The following MFSD6 variants were observed in gnomAD, a reference collection of about 807,000 sequenced individuals.
MFSD6 encodes the protein major facilitator superfamily domain containing 6.
Under a neutral mutation model 56.3 loss-of-function variants are expected in MFSD6, and 26 were observed. That is an observed-to-expected ratio of 0.46 (90% CI 0.34 to 0.64). The LOEUF is 0.64. Ranked by LOEUF, MFSD6 falls within the 30% of genes least tolerant of loss-of-function variation. MFSD6 has a pLI of 0.01. For synonymous variants in MFSD6, 331 were observed against 366.9 expected, an observed-to-expected ratio of 0.90 and a Z score of 1.12; for missense variants, 750 against 986.2, an observed-to-expected ratio of 0.76 and a Z score of 3.21.
At position 190,459,735 on chromosome 2, in the gene MFSD6, T is replaced by C. The variant is rs1687225456; in HGVS notation, c.1533-10023T>C. On this transcript the variant is annotated intron_variant, in intron 3 of 7. Coordinates refer to ENST00000392328, the MANE Select transcript of MFSD6 (RefSeq NM_017694.4). This position sits in a 1 kb window ranked among gnomAD's most constrained non-coding sequence, Gnocchi z 5.3. The stretch of plus-strand genomic sequence containing the variant: ...GCTGATGGTGACCATAGTTACACTC[T>C]TAGCTTATCAGTCATTTTAGAGGGA... Among the ~76,000 whole-genome samples, 1 of 152,216 alleles carries C rather than the reference T, an allele frequency of 6.6e-6. No homozygotes were observed. The highest frequency in any genetic ancestry group is 1.5e-5 in the Non-Finnish European group (1 of 68,042).
At position 190,413,706 on chromosome 2, in the gene MFSD6, T is replaced by C. The variant is rs1164956577; in HGVS notation, c.-175-1586T>C. ...AAAGTGAGTGGCGAGCCTGGACTGG[T>C]AGTTAGCAGTCTGTGTTGGTTATGT... On this transcript the variant is annotated intron_variant, in intron 1 of 7. Coordinates refer to ENST00000392328, the MANE Select transcript of MFSD6 (RefSeq NM_017694.4). This position sits in a 1 kb window ranked among gnomAD's most constrained non-coding sequence, Gnocchi z 4.1. Among the ~76,000 whole-genome samples, 4 of 152,182 alleles carry C rather than the reference T, an allele frequency of 2.6e-5. No individual in the cohort carries two copies. The highest frequency in any genetic ancestry group is 9.7e-5 in the African/African-American group (4 of 41,450).
intron 4 of MFSD6, among the ~76,000 whole-genome samples, chr2:190,475,730 C>A (rs879917889): frequency 3.9e-5 from 6 of 152,168 alleles, no homozygotes; most frequent in Non-Finnish European, 8.8e-5. Flanking sequence ...TCATACGGAA[C>A]CAAAAAAGAG....
At position 190,462,544 on chromosome 2, in the gene MFSD6, A is replaced by T. The variant is rs1472811322; in HGVS notation, c.1533-7214A>T. 6.6e-6 allele frequency among the ~76,000 whole-genome samples: 1 copy of T among 152,168 alleles called. No individual in the cohort carries two copies. The highest frequency in any genetic ancestry group is 2.4e-5 in the African/African-American group (1 of 41,444). On this transcript the variant is annotated intron_variant, in intron 3 of 7. Transcript: ENST00000392328. This position sits in a 1 kb window ranked among gnomAD's most constrained non-coding sequence, Gnocchi z 5.7. The stretch of plus-strand genomic sequence containing the variant: ...GCAAGGCAGGCTCTTTTTGAGTACA[A>T]AGAGGAAGAAGACATGGCCGTTGTC...
chr2:190,411,087 G>T, intron 1 of MFSD6: 2 of 980,690 alleles, frequency 2.0e-6, no homozygotes, highest in Non-Finnish European at 2.4e-6. Context: ...AGCTTCAGAA[G>T]AAATTTATAT....
chr2:190,482,953 G>T (rs537206869), intron 4 of MFSD6, among the ~76,000 whole-genome samples: 1 of 129,590 alleles, frequency 7.7e-6, no homozygotes, highest in Admixed American at 9.4e-5. Flanking sequence ...CTGCAGTGGC[G>T]CAATCTCGGC....
chr2:190,432,498 C>A (rs576608237), intron 2 of MFSD6, among the ~76,000 whole-genome samples: 15 of 152,176 alleles, frequency 9.9e-5, no homozygotes, highest in Non-Finnish European at 1.6e-4. Flanking sequence ...CTCTCTGCAA[C>A]CTCCGGCTCC....
At chr2:190,422,957 A>G (rs59109438) in intron 2 of MFSD6, among the ~76,000 whole-genome samples, 28,010 of 151,938 alleles carry the variant, frequency 0.18, 2,685 homozygotes, top group East Asian at 0.29. Flanking sequence ...TACAAAGTCA[A>G]CACTTCATGA....
Position 190,488,943 on chromosome 2 carries a change from T to A in MFSD6, c.1792+125T>A. Reference sequence around the variant, plus strand: ...CAAAGCTAAATTCCAGTATTCATAATCTCTTTCTAGATTTCATGGTAGTCA... The same window carrying A: ...CAAAGCTAAATTCCAGTATTCATAAACTCTTTCTAGATTTCATGGTAGTCA... On this transcript the variant is annotated intron_variant, in intron 5 of 7. Coordinates refer to ENST00000392328, the MANE Select transcript of MFSD6 (RefSeq NM_017694.4). This position sits in a 1 kb window ranked among gnomAD's most constrained non-coding sequence, Gnocchi z 6.4. The A allele has an allele frequency of 1.0e-6, 1 of 991,978 alleles. No homozygotes were observed. Among genetic ancestry groups the A allele is most frequent in the Non-Finnish European group, 1.4e-6 (1 of 704,200 alleles). The allele number at this position is 991,978 out of a possible 1,614,324, so 61.4% of individuals were successfully genotyped here. A position where few individuals can be genotyped will look rare whatever the true frequency, so the allele number is the denominator to read the frequency against.
chr2:190,444,364 G>A (rs1361279109), intron 3 of MFSD6, among the ~76,000 whole-genome samples: 2 of 152,164 alleles, frequency 1.3e-5, no homozygotes, highest in Non-Finnish European at 2.9e-5. Flanking sequence ...AATCCTGCCA[G>A]CCAACTTATA....
rs1689170011 is a variant in MFSD6 at position 190,488,897 on chromosome 2, CA to C, written c.1792+81del. 7.7e-7 allele frequency: 1 copy of C among 1,300,906 alleles called. No homozygotes were observed. Among genetic ancestry groups the C allele is most frequent in the African/African-American group, 1.5e-5 (1 of 66,016 alleles). The allele number at this position is 1,300,906 out of a possible 1,614,324, so 80.6% of individuals were successfully genotyped here. On this transcript the variant is annotated intron_variant, in intron 5 of 7. Coordinates refer to ENST00000392328, the MANE Select transcript of MFSD6 (RefSeq NM_017694.4). The surrounding 1 kb of genome is among the most constrained non-coding windows in gnomAD (Gnocchi z 6.4). The stretch of plus-strand genomic sequence containing the variant: ...TCCAGCAATACCTCAATAAACAATC[CA>C]ATTATTACTGAAGATTGCCCAAAGC...
chr2:190,461,474 T>G lies in MFSD6; in HGVS notation c.1533-8284T>G, dbSNP rs910348649. On this transcript the variant is annotated intron_variant, in intron 3 of 7. Coordinates refer to ENST00000392328, the MANE Select transcript of MFSD6 (RefSeq NM_017694.4). This position sits in a 1 kb window ranked among gnomAD's most constrained non-coding sequence, Gnocchi z 5.5. ...TATGTGTCACTTCCTTTTTCTGACA[T>G]AAATATTACAATACTATACTTAATA... is the stretch of plus-strand genomic sequence containing the variant. Among the ~76,000 whole-genome samples, 1 of 152,230 alleles carries G rather than the reference T, an allele frequency of 6.6e-6. No homozygotes were observed. The highest frequency in any genetic ancestry group is 1.5e-5 in the Non-Finnish European group (1 of 68,046).
Position 190,485,661 on chromosome 2 carries a change from T to G in MFSD6, c.1631-2996T>G, listed in dbSNP as rs935462528. On this transcript the variant is annotated intron_variant, in intron 4 of 7. Coordinates refer to ENST00000392328, the MANE Select transcript of MFSD6 (RefSeq NM_017694.4). The surrounding 1 kb of genome is among the most constrained non-coding windows in gnomAD (Gnocchi z 5.1). ...GTGTCAACACTCATAATTAAGACTA[T>G]CCAGGCATTATTCAATTCTGAGAAA... Among the ~76,000 whole-genome samples the G allele has an allele frequency of 1.1e-4, 17 of 152,256 alleles. No homozygotes were observed. The highest frequency in any genetic ancestry group is 3.6e-4 in the African/African-American group (15 of 41,556).
In MFSD6 at chr2:190,454,306, A is replaced by G. The variant is rs1035700830; in HGVS notation, c.1533-15452A>G. Reference sequence around the variant, plus strand: ...TCCAATTGTGTTAGAGAGTGAAGGTATTAAAGATAGAGATAAGAAGCATTT... The same window carrying G: ...TCCAATTGTGTTAGAGAGTGAAGGTGTTAAAGATAGAGATAAGAAGCATTT... On this transcript the variant is annotated intron_variant, in intron 3 of 7. Coordinates refer to ENST00000392328, the MANE Select transcript of MFSD6 (RefSeq NM_017694.4). The surrounding 1 kb of genome is among the most constrained non-coding windows in gnomAD (Gnocchi z 4.6). 6.6e-6 allele frequency: 1 copy of G among 152,150 alleles called. No individual in the cohort carries two copies. The highest frequency in any genetic ancestry group is 2.4e-5 in the African/African-American group (1 of 41,402). 9.4% of individuals were successfully genotyped at this position (152,150 alleles called of 1,614,324 possible).
At chr2:190,407,904 C>T (rs1305651100), upstream of MFSD6, among the ~76,000 whole-genome samples, 2 of 152,238 alleles carry the variant, frequency 1.3e-5, no homozygotes, top group African/African-American at 4.8e-5. The surrounding 1 kb of genome is among the most constrained non-coding windows in gnomAD (Gnocchi z 5.4). Flanking sequence ...GATGTTAGTA[C>T]ATTTTCCCCC....
rs1160363598 is a variant in MFSD6 at position 190,467,264 on chromosome 2, G to C, written c.1533-2494G>C. ...ACCATAGAGATCTTTATTGAGATAG[G>C]TGTGGGCCTCGGCATCTGTAGTTGT... On this transcript the variant is annotated intron_variant, in intron 3 of 7. Coordinates refer to ENST00000392328, the MANE Select transcript of MFSD6 (RefSeq NM_017694.4). The surrounding 1 kb of genome is among the most constrained non-coding windows in gnomAD (Gnocchi z 5.5). Among the ~76,000 whole-genome samples the C allele has an allele frequency of 6.6e-6, 1 of 152,190 alleles. No individual in the cohort carries two copies. The highest frequency in any genetic ancestry group is 1.5e-5 in the Non-Finnish European group (1 of 68,026).
In MFSD6 at chr2:190,497,820, A is replaced by C. The variant is rs564334821; in HGVS notation, c.2172+101A>C. 2.2e-4 allele frequency: 306 copies of C among 1,370,636 alleles called. 2 individuals are homozygous for C. In the Middle Eastern group the frequency reaches 3.6e-3, roughly 16 times the overall value. 84.9% of individuals were successfully genotyped at this position (1,370,636 alleles called of 1,614,324 possible). A position where few individuals can be genotyped will look rare whatever the true frequency, so the allele number is the denominator to read the frequency against. Reference sequence around the variant, plus strand: ...ACTTTTCATTCAACAAGATTTATTGAAAGTCTGGTGGGGGAAATAGACATG... The same window carrying C: ...ACTTTTCATTCAACAAGATTTATTGCAAGTCTGGTGGGGGAAATAGACATG... On this transcript the variant is annotated intron_variant, in intron 7 of 7. Coordinates refer to ENST00000392328, the MANE Select transcript of MFSD6 (RefSeq NM_017694.4). The surrounding 1 kb of genome is among the most constrained non-coding windows in gnomAD (Gnocchi z 5.2).
Position 190,434,447 on chromosome 2 carries a change from A to T in MFSD6, c.-53-1530A>T, listed in dbSNP as rs1026159647. Among the ~76,000 whole-genome samples the T allele has an allele frequency of 6.6e-6, 1 of 151,966 alleles. No homozygotes were observed. Among genetic ancestry groups the T allele is most frequent in the Non-Finnish European group, 1.5e-5 (1 of 67,976 alleles). Reference sequence around the variant, plus strand: ...TTTATTTATTTTATTTTATTTATTTATTTTTTTGAGACGGAGTCTCGCTCT... The same window carrying T: ...TTTATTTATTTTATTTTATTTATTTTTTTTTTTGAGACGGAGTCTCGCTCT... On this transcript the variant is annotated intron_variant, in intron 2 of 7. Transcript: ENST00000392328. The surrounding 1 kb of genome is among the most constrained non-coding windows in gnomAD (Gnocchi z 4.3).
At chr2:190,411,009 C>T (rs112699106) in intron 1 of MFSD6, 63,024 of 408,166 alleles carry the variant, frequency 0.15, 6,052 homozygotes, top group Admixed American at 0.35. Context: ...GAGCCGAGAT[C>T]GCGCCACTGC....
intron 3 of MFSD6, among the ~76,000 whole-genome samples, chr2:190,441,257 T>C (rs7581986): frequency 0.71 from 108,495 of 151,888 alleles, 39,469 homozygotes; most frequent in Admixed American, 0.79. Flanking sequence ...TGTCTTCTAC[T>C]TGGGTTCGGC....
Sources: gnomAD v4.1 joint callset for allele counts (sites outside exome capture counted in the v4.1 genomes callset) on GRCh38, gnomAD v4.1.1 for gene constraint, Gnocchi (gnomAD v3.1) non-coding constraint, MANE v1.5 for transcripts, NCBI Gene and HGNC (gene_info 2026-07-23, HGNC 2026-07-21) for gene names.